The following HPSE2 variants were observed in gnomAD, a reference collection of about 807,000 sequenced individuals.
HPSE2 encodes heparanase 2 (inactive).
A neutral mutation model predicts 60.5 loss-of-function variants in HPSE2; 38 were observed. The ratio of observed to expected loss-of-function variants is 0.63; its 90% CI spans 0.48 to 0.82. The LOEUF (loss-of-function observed/expected upper bound fraction) is 0.82, where lower values mean the gene tolerates loss of function less well. HPSE2 is among the 40% of genes least tolerant of loss of function. HPSE2 has a pLI of 0.00. For synonymous variants in HPSE2, 295 were observed against 293.2 expected, an observed-to-expected ratio of 1.01 and a Z score of -0.06; for missense variants, 713 against 740.4, an observed-to-expected ratio of 0.96 and a Z score of 0.43.
chr10:98,802,103 A>C (rs1201980860), intron 3 of HPSE2, among the ~76,000 whole-genome samples: 1 of 152,116 alleles, frequency 6.6e-6, no homozygotes, highest in Admixed American at 6.6e-5. Flanking sequence ...CACTTCAATA[A>C]AGAATGCTAG....
At chr10:99,146,734 G>A (rs996425729) in intron 2 of HPSE2, among the ~76,000 whole-genome samples, 1 of 152,114 alleles carries the variant, frequency 6.6e-6, no homozygotes, top group Non-Finnish European at 1.5e-5. Context: ...GGTGGCACAC[G>A]CCTGTAGTTC....
chr10:98,802,819 C>A (rs1391855803), intron 3 of HPSE2, among the ~76,000 whole-genome samples: 1 of 141,344 alleles, frequency 7.1e-6, no homozygotes, highest in Non-Finnish European at 1.5e-5. Flanking sequence ...GATTTATAGT[C>A]CTTTGGGTAT....
intron 9 of HPSE2, among the ~76,000 whole-genome samples, chr10:98,528,576 CGGA>C (rs971295543): frequency 2.4e-4 from 36 of 151,986 alleles, no homozygotes; most frequent in African/African-American, 8.5e-4. Context: ...CCAGGAGAGC[CGGA>C]GGAGAACAGA....
At chr10:98,600,057 C>T (rs996153372) in intron 9 of HPSE2, among the ~76,000 whole-genome samples, 2 of 152,124 alleles carry the variant, frequency 1.3e-5, no homozygotes, top group Non-Finnish European at 2.9e-5. Flanking sequence ...CACATTTGCA[C>T]CAGTGATTTT....
chr10:99,062,069 G>A (rs2135525716), intron 3 of HPSE2, among the ~76,000 whole-genome samples: 1 of 152,164 alleles, frequency 6.6e-6, no homozygotes, highest in East Asian at 1.9e-4. Context: ...CTATCAAGAG[G>A]TTCTGCTTCA....
chr10:98,587,865 C>G (rs572537444), intron 9 of HPSE2, among the ~76,000 whole-genome samples: 1 of 152,130 alleles, frequency 6.6e-6, no homozygotes, highest in South Asian at 2.1e-4. Context: ...AGATCTTAAA[C>G]CAATGTTTTA....
intron 3 of HPSE2, among the ~76,000 whole-genome samples, chr10:98,770,328 T>C (rs1474559910): frequency 6.6e-6 from 1 of 152,190 alleles, no homozygotes; most frequent in African/African-American, 2.4e-5. Context: ...TCTGTGTGTA[T>C]ATATGTGTTT....
chr10:98,654,923 C>T (rs1565052087), intron 6 of HPSE2, among the ~76,000 whole-genome samples: 1 of 152,134 alleles, frequency 6.6e-6, no homozygotes, highest in Non-Finnish European at 1.5e-5. Context: ...TTGTTTATGC[C>T]TCTTTTCTTC....
chr10:99,001,365 A>G (rs1167836703), intron 3 of HPSE2, among the ~76,000 whole-genome samples: 2 of 152,086 alleles, frequency 1.3e-5, no homozygotes, highest in Non-Finnish European at 2.9e-5. Context: ...TAAATTTACC[A>G]ATAAAATAAG....
At chr10:98,798,436 G>C (rs1185277003) in intron 3 of HPSE2, among the ~76,000 whole-genome samples, 1 of 152,144 alleles carries the variant, frequency 6.6e-6, no homozygotes, top group African/African-American at 2.4e-5. Context: ...ATAGCATATT[G>C]TAACACTGTA....
intron 10 of HPSE2, among the ~76,000 whole-genome samples, 196 bp from the exon 11 acceptor site, chr10:98,482,978 T>C (rs1031504743): frequency 6.6e-6 from 1 of 152,346 alleles, no homozygotes; most frequent in Admixed American, 6.5e-5. Context: ...CTTCCTGCCA[T>C]ACTTCTTTTG....
chr10:98,903,244 G>A (rs1407674929), intron 3 of HPSE2, among the ~76,000 whole-genome samples: 2 of 152,020 alleles, frequency 1.3e-5, no homozygotes, highest in African/African-American at 4.8e-5. Context: ...TAGAAAGTGG[G>A]TTAGTGGCTG....
chr10:98,755,653 T>C (rs1246802246), intron 3 of HPSE2, among the ~76,000 whole-genome samples: 2 of 152,178 alleles, frequency 1.3e-5, no homozygotes, highest in African/African-American at 2.4e-5. Flanking sequence ...TAAAAAATCA[T>C]ATCACCCACC....
intron 3 of HPSE2, among the ~76,000 whole-genome samples, chr10:98,942,337 A>T (rs1457101071): frequency 1.4e-5 from 2 of 144,184 alleles, no homozygotes; most frequent in East Asian, 3.9e-4. Flanking sequence ...CTCATCTGAC[A>T]AAGGGCTAAT....
intron 8 of HPSE2, among the ~76,000 whole-genome samples, chr10:98,617,874 T>G (rs1945958258): frequency 6.6e-6 from 1 of 152,216 alleles, no homozygotes. Flanking sequence ...ACTCTACTTT[T>G]GAACACTCGG....
chr10:99,125,656 G>C (rs1845133455), intron 3 of HPSE2, among the ~76,000 whole-genome samples: 1 of 152,206 alleles, frequency 6.6e-6, no homozygotes, highest in Admixed American at 6.5e-5. Context: ...CAAAGCGTGA[G>C]AGGGGGAAAA....
intron 3 of HPSE2, among the ~76,000 whole-genome samples, chr10:98,893,177 C>A (rs1355755334): frequency 6.6e-6 from 1 of 152,070 alleles, no homozygotes; most frequent in Non-Finnish European, 1.5e-5. Context: ...AAGCGGTTCT[C>A]CTGCCTCATC....
chr10:99,275,670 T>G, the HPSE2 span, among the ~76,000 whole-genome samples: 1 of 152,178 alleles, frequency 6.6e-6, no homozygotes, highest in African/African-American at 2.4e-5. Flanking sequence ...CCCAAGGATA[T>G]GTGAAGCCCA....
intron 3 of HPSE2, among the ~76,000 whole-genome samples, chr10:99,069,416 A>G (rs530541362): frequency 1.3e-5 from 2 of 152,130 alleles, no homozygotes; most frequent in Non-Finnish European, 2.9e-5. Flanking sequence ...TAGACCTCGC[A>G]GTTCTTAAAT....
Sources: gnomAD v4.1 joint callset for allele counts (sites outside exome capture counted in the v4.1 genomes callset) on GRCh38, gnomAD v4.1.1 for gene constraint, MANE v1.5 for transcripts, NCBI Gene and HGNC (gene_info 2026-07-23, HGNC 2026-07-21) for gene names.